Variants in RSBN1L observed in about 807,000 individuals in gnomAD.
RSBN1L encodes the protein lysine-specific demethylase RSBN1L.
RSBN1L carries 30 observed loss-of-function variants against 67.7 expected under a neutral mutation model. That is an observed-to-expected ratio of 0.44 (90% CI 0.33 to 0.60). The LOEUF is 0.60. RSBN1L is among the 20% of genes least tolerant of loss of function. The pLI, the probability that RSBN1L is intolerant of heterozygous loss-of-function variation, is 0.02. For missense variants in RSBN1L, 992 were observed against 1,031.7 expected (o/e 0.96, Z 0.53); for synonymous variants, 433 against 387.0 (o/e 1.12, Z -1.39).
chr7:77,767,709 CCT>C (rs1477586516), intron 4 of RSBN1L, among the ~76,000 whole-genome samples: 4 of 143,582 alleles, frequency 2.8e-5, no homozygotes, highest in African/African-American at 1.0e-4. Context: ...TTCCCCTTCA[CCT>C]CTGTCTCTCG....
chr7:77,770,692 A>G (rs1297753195), intron 5 of RSBN1L, among the ~76,000 whole-genome samples: 2 of 152,160 alleles, frequency 1.3e-5, no homozygotes, highest in Non-Finnish European at 2.9e-5. Context: ...TAAAAAAAAA[A>G]TGGTGAAATA....
At chr7:77,758,066 T>C (rs1167470579) in intron 3 of RSBN1L, among the ~76,000 whole-genome samples, 1 of 152,182 alleles carries the variant, frequency 6.6e-6, no homozygotes, top group Non-Finnish European at 1.5e-5. Flanking sequence ...TTCATGATAA[T>C]GCTATCCTCT....
intron 2 of RSBN1L, among the ~76,000 whole-genome samples, chr7:77,736,754 AAAC>A (rs1791342889): frequency 6.6e-6 from 1 of 151,652 alleles, no homozygotes; most frequent in Non-Finnish European, 1.5e-5. Context: ...AAGCTTCGTT[AAAC>A]TTAATTTCTT....
chr7:77,753,343 C>T (rs1008603432), intron 3 of RSBN1L, among the ~76,000 whole-genome samples: 5 of 152,080 alleles, frequency 3.3e-5, no homozygotes, highest in African/African-American at 9.7e-5. Flanking sequence ...GTGGTAGCTC[C>T]CTGTGGTTTA....
At chr7:77,710,445 C>G (rs1790957354) in intron 1 of RSBN1L, among the ~76,000 whole-genome samples, 2 of 152,108 alleles carry the variant, frequency 1.3e-5, no homozygotes, top group South Asian at 4.1e-4. Flanking sequence ...CTTTCCATCC[C>G]CAGCTCCACA....
At position 77,696,479 on chromosome 7, in the gene RSBN1L, C is replaced by A; in HGVS notation, c.10C>A (p.Pro4Thr). The change falls in exon 1 of 8, where the codon CCG becomes ACG. Residue 4 changes from proline (P) to threonine (T), a missense_variant. By Grantham distance (38) the Pro-to-Thr change is conservative. This residue lies in a region of RSBN1L where 575 missense variants were observed against 483.2 expected (regional missense o/e 1.19). Transcript: ENST00000334955. MAE[P>T]PSPVHCVAAA... ...ACAACAGGAGCGCAAAATGGCGGAA[C>A]CGCCGAGCCCCGTGCACTGTGTCGC... 1.2e-6 allele frequency: 2 copies of A among 1,606,160 alleles called. No homozygotes were observed. Among genetic ancestry groups the A allele is most frequent in the Non-Finnish European group, 1.7e-6 (2 of 1,175,726 alleles).
At position 77,778,909 on chromosome 7, in the gene RSBN1L, G is replaced by A. The variant is rs868678398; in HGVS notation, c.2282G>A (p.Arg761Lys). The change falls in exon 8 of 8, where the codon AGA (arginine) becomes AAA (lysine). Residue 761 changes from arginine to lysine, a missense_variant. Coordinates refer to ENST00000334955, the MANE Select transcript of RSBN1L (RefSeq NM_198467.3). ...AAACATGAACCTATTGCATCTGTAAGAATCAAGGAAGAACCTGTGAATGTT... is the reference window on the plus strand; with the variant it reads ...AAACATGAACCTATTGCATCTGTAAAAATCAAGGAAGAACCTGTGAATGTT... ...QIKHEPIASV[R>K]IKEEPVNVNI... 1 of 1,613,954 alleles carries A rather than the reference G, an allele frequency of 6.2e-7. No homozygotes were observed. The highest frequency in any genetic ancestry group is 1.6e-4 in the Middle Eastern group (1 of 6,062).
chr7:77,747,154 A>G (rs1455283795), intron 2 of RSBN1L, among the ~76,000 whole-genome samples: 1 of 152,164 alleles, frequency 6.6e-6, no homozygotes, highest in East Asian at 1.9e-4. Context: ...ATTTCCCCAC[A>G]TTACCTTTTC....
chr7:77,722,424 G>C (rs1271976227), intron 1 of RSBN1L, among the ~76,000 whole-genome samples: 1 of 152,116 alleles, frequency 6.6e-6, no homozygotes, highest in East Asian at 1.9e-4. Flanking sequence ...GTGAAACTTA[G>C]GGAGAAATTT....
In RSBN1L at chr7:77,783,016, AACC is replaced by A. The variant is rs1792018541; in HGVS notation, c.*3851_*3853del. ...TCATTCAATAAATACTAAAATTGAT[AACC>A]ACAGTCTTTTTACTTTTGTAATTAT... On this transcript the variant is annotated 3_prime_UTR_variant, in exon 8 of 8. Coordinates refer to ENST00000334955, the MANE Select transcript of RSBN1L (RefSeq NM_198467.3). The A allele has an allele frequency of 6.6e-6, 1 of 152,226 alleles. No homozygotes were observed. Among genetic ancestry groups the A allele is most frequent in the South Asian group, 2.1e-4 (1 of 4,838 alleles). The allele number at this position is 152,226 out of a possible 1,614,324, so 9.4% of individuals were successfully genotyped here. A position where few individuals can be genotyped will look rare whatever the true frequency, so the allele number is the denominator to read the frequency against.
At chr7:77,716,174 G>T (rs985728214) in intron 1 of RSBN1L, among the ~76,000 whole-genome samples, 1 of 152,078 alleles carries the variant, frequency 6.6e-6, no homozygotes, top group Non-Finnish European at 1.5e-5. Context: ...CCTAACCCTA[G>T]ATCACAGGAT....
intron 1 of RSBN1L, among the ~76,000 whole-genome samples, chr7:77,727,369 G>A (rs953092850): frequency 1.3e-5 from 2 of 152,190 alleles, no homozygotes; most frequent in Admixed American, 1.3e-4. Flanking sequence ...TTACAGGCGT[G>A]AGCCACCACG....
intron 1 of RSBN1L, among the ~76,000 whole-genome samples, chr7:77,711,967 G>A (rs1462740852): frequency 6.6e-6 from 1 of 152,172 alleles, no homozygotes; most frequent in Non-Finnish European, 1.5e-5. Flanking sequence ...TAAAACCTGT[G>A]TGAGGGTAAG....
intron 1 of RSBN1L, among the ~76,000 whole-genome samples, chr7:77,729,108 C>T (rs1284410177): frequency 1.3e-5 from 2 of 152,090 alleles, no homozygotes. Flanking sequence ...TTTCCTTCCG[C>T]TTCTTTTATA....
chr7:77,756,375 T>C (rs1322417085), intron 3 of RSBN1L, among the ~76,000 whole-genome samples: 1 of 152,072 alleles, frequency 6.6e-6, no homozygotes, highest in African/African-American at 2.4e-5. Flanking sequence ...TCAGGTGATC[T>C]ACCTGCCTCG....
chr7:77,737,025 T>C (rs1228334859), intron 2 of RSBN1L, among the ~76,000 whole-genome samples: 2 of 151,922 alleles, frequency 1.3e-5, no homozygotes, highest in Non-Finnish European at 2.9e-5. Flanking sequence ...TGTTTTATTC[T>C]TTTTTTTCTC....
intron 1 of RSBN1L, among the ~76,000 whole-genome samples, chr7:77,704,112 G>A (rs1005736035): frequency 2.6e-5 from 4 of 152,154 alleles, no homozygotes; most frequent in Admixed American, 1.3e-4. Flanking sequence ...CATACCTAAC[G>A]CATTGGAGAC....
At chr7:77,777,689 A>G (rs1791935535) in intron 6 of RSBN1L, among the ~76,000 whole-genome samples, 1 of 151,824 alleles carries the variant, frequency 6.6e-6, no homozygotes, top group South Asian at 2.1e-4. Context: ...ATTTGCCTTC[A>G]TATGATTTTC....
At chr7:77,759,014 C>T (rs1411680273) in intron 3 of RSBN1L, among the ~76,000 whole-genome samples, 1 of 152,122 alleles carries the variant, frequency 6.6e-6, no homozygotes, top group Non-Finnish European at 1.5e-5. Context: ...TCTCAGGTAA[C>T]TTATGTCAAA....
Sources: gnomAD v4.1 joint callset for allele counts (sites outside exome capture counted in the v4.1 genomes callset) on GRCh38, gnomAD v4.1.1 for gene constraint, gnomAD v4.1.1 regional missense constraint, MANE v1.5 for transcripts, NCBI Gene and HGNC (gene_info 2026-07-23, HGNC 2026-07-21) for gene names.